NOS1AP: variants seen among roughly 807,000 people sequenced by gnomAD.
NOS1AP encodes the protein carboxyl-terminal PDZ ligand of neuronal nitric oxide synthase protein.
In NOS1AP, 21 loss-of-function variants were observed where a neutral mutation model predicts 56.2. The observed-to-expected ratio is 0.37, with a 90% CI of 0.26 to 0.54. The LOEUF is 0.54. NOS1AP is among the 20% of genes least tolerant of loss of function. The probability of loss-of-function intolerance (pLI) is 0.84; values close to 1 mark genes in which losing one functional copy is unlikely to be tolerated. For synonymous variants in NOS1AP, 270 were observed against 274.6 expected (o/e 0.98, Z 0.17); for missense variants, 522 against 657.8 (o/e 0.79, Z 2.26).
intron 2 of NOS1AP, among the ~76,000 whole-genome samples, chr1:162,209,187 T>C (rs1190245021): frequency 6.6e-6 from 1 of 152,220 alleles, no homozygotes. Context: ...ACAAGATGTT[T>C]CCCAATTTGC....
At chr1:162,176,818 A>T (rs995663895) in intron 2 of NOS1AP, among the ~76,000 whole-genome samples, 1 of 152,156 alleles carries the variant, frequency 6.6e-6, no homozygotes, top group Non-Finnish European at 1.5e-5. Flanking sequence ...TTTATTGCTG[A>T]ACAGTATTCC....
At chr1:162,113,953 G>C (rs1024933094) in intron 1 of NOS1AP, among the ~76,000 whole-genome samples, 6 of 152,098 alleles carry the variant, frequency 3.9e-5, no homozygotes, top group African/African-American at 1.4e-4. Context: ...TAAAGGCAGT[G>C]TTATTACAGA....
chr1:162,230,926 A>G (rs1325382251), intron 2 of NOS1AP, among the ~76,000 whole-genome samples: 1 of 152,172 alleles, frequency 6.6e-6, no homozygotes, highest in African/African-American at 2.4e-5. Context: ...CCTTTTGGCT[A>G]TTGTGAATAA....
At chr1:162,081,774 A>ATATATATATATATATTTTTTTTTTTTTTT in intron 1 of NOS1AP, among the ~76,000 whole-genome samples, 1 of 44,060 alleles carries the variant, frequency 2.3e-5, no homozygotes, top group Non-Finnish European at 4.6e-5. Context: ...ATATATATAT[A>ATATATATATATATATTTTTTTTTTTTTTT]TTTTTTTTTT....
intron 2 of NOS1AP, among the ~76,000 whole-genome samples, chr1:162,203,012 G>A (rs1652045896): frequency 6.6e-6 from 1 of 152,002 alleles, no homozygotes; most frequent in Admixed American, 6.6e-5. Context: ...TGTGTGTGTC[G>A]GCGGGAGGGG....
chr1:162,174,447 A>G (rs1650962889), intron 2 of NOS1AP, among the ~76,000 whole-genome samples: 1 of 151,786 alleles, frequency 6.6e-6, no homozygotes, highest in South Asian at 2.1e-4. Context: ...ATTAGGATAT[A>G]TACCTAATGC....
Position 162,368,033 on chromosome 1 carries a change from G to A in NOS1AP, c.*566G>A, listed in dbSNP as rs192330867. On this transcript the variant is annotated 3_prime_UTR_variant, in exon 10 of 10. Transcript: ENST00000361897. Reference sequence around the variant, plus strand: ...GACCGCAAAAGCCAGGCTAGTCCTTGTAGGGTGAGCATGGAATTGGAATGT... The same window carrying A: ...GACCGCAAAAGCCAGGCTAGTCCTTATAGGGTGAGCATGGAATTGGAATGT... 2 of 154,036 alleles carry A rather than the reference G, an allele frequency of 1.3e-5. No homozygotes were observed. The highest frequency in any genetic ancestry group is 2.9e-5 in the Non-Finnish European group (2 of 69,098). 9.5% of individuals were successfully genotyped at this position (154,036 alleles called of 1,614,324 possible). A position where few individuals can be genotyped will look rare whatever the true frequency, so the allele number is the denominator to read the frequency against.
intron 2 of NOS1AP, among the ~76,000 whole-genome samples, chr1:162,213,096 C>T (rs190857904): frequency 1.4e-4 from 22 of 152,190 alleles, no homozygotes; most frequent in African/African-American, 2.9e-4. Flanking sequence ...CAGGGCTGGC[C>T]GCCCACCTCC....
intron 1 of NOS1AP, among the ~76,000 whole-genome samples, chr1:162,146,315 TCTC>T (rs145718043): frequency 0.041 from 6,229 of 152,222 alleles, 227 homozygotes; most frequent in African/African-American, 0.091. Flanking sequence ...GCAGTTAAAA[TCTC>T]CACTTGATTT....
intron 2 of NOS1AP, among the ~76,000 whole-genome samples, chr1:162,252,186 A>T (rs960082253): frequency 6.6e-6 from 1 of 151,990 alleles, no homozygotes; most frequent in Non-Finnish European, 1.5e-5. Context: ...AGCTGGGACT[A>T]TAGGTGTGTG....
At chr1:162,127,007 T>G (rs1402658334) in intron 1 of NOS1AP, among the ~76,000 whole-genome samples, 3 of 152,228 alleles carry the variant, frequency 2.0e-5, no homozygotes, top group South Asian at 2.1e-4. Flanking sequence ...CTGTAGAGTT[T>G]TAATTGTACT....
intron 2 of NOS1AP, among the ~76,000 whole-genome samples, chr1:162,169,606 T>C (rs763560723): frequency 1.8e-4 from 27 of 152,198 alleles, no homozygotes; most frequent in Non-Finnish European, 3.2e-4. Flanking sequence ...ACGTGGCATG[T>C]GTCCATCTGT....
At chr1:162,352,322 G>C (rs977183696) in intron 6 of NOS1AP, among the ~76,000 whole-genome samples, 1 of 151,504 alleles carries the variant, frequency 6.6e-6, no homozygotes, top group South Asian at 2.1e-4. Flanking sequence ...GCCTCCCAAA[G>C]TGCTGGAATT....
intron 2 of NOS1AP, among the ~76,000 whole-genome samples, chr1:162,209,277 G>A (rs908584159): frequency 1.3e-4 from 20 of 152,198 alleles, no homozygotes; most frequent in African/African-American, 4.3e-4. Flanking sequence ...CTCAGGGACT[G>A]TCTCACATGT....
chr1:162,127,509 C>G (rs1180940870), intron 1 of NOS1AP, among the ~76,000 whole-genome samples: 2 of 150,832 alleles, frequency 1.3e-5, no homozygotes, highest in African/African-American at 4.9e-5. Context: ...AAGAAATAAC[C>G]TGAGACTGGG....
chr1:162,241,662 C>A (rs1653492002), intron 2 of NOS1AP, among the ~76,000 whole-genome samples: 1 of 152,138 alleles, frequency 6.6e-6, no homozygotes, highest in Admixed American at 6.5e-5. Flanking sequence ...AATCTGCACT[C>A]CCCCTGACTG....
intron 2 of NOS1AP, among the ~76,000 whole-genome samples, chr1:162,159,548 C>T (rs1650111684): frequency 6.6e-6 from 1 of 152,130 alleles, no homozygotes; most frequent in South Asian, 2.1e-4. Flanking sequence ...ATAGCTAGCG[C>T]CTTTTTTTCA....
chr1:162,233,164 G>A (rs931223619), intron 2 of NOS1AP, among the ~76,000 whole-genome samples: 2 of 152,216 alleles, frequency 1.3e-5, no homozygotes, highest in Non-Finnish European at 2.9e-5. Flanking sequence ...GCATTTCTAA[G>A]TTCCCAGGTT....
intron 2 of NOS1AP, among the ~76,000 whole-genome samples, chr1:162,193,841 C>T (rs1651719604): frequency 6.6e-6 from 1 of 152,160 alleles, no homozygotes; most frequent in African/African-American, 2.4e-5. Context: ...TTCTGCTGCT[C>T]TCTTTTCCAT....
Sources: allele counts gnomAD v4.1 joint callset (sites outside exome capture counted in the v4.1 genomes callset), GRCh38; gene constraint gnomAD v4.1.1; transcripts MANE v1.5; gene names NCBI Gene and HGNC (gene_info 2026-07-23, HGNC 2026-07-21).